The following RHOBTB1 variants were observed in gnomAD, a reference collection of about 807,000 sequenced individuals.
RHOBTB1 encodes the protein Rho related BTB domain containing 1.
A neutral mutation model predicts 71.6 loss-of-function variants in RHOBTB1; 40 were observed. The ratio of observed to expected loss-of-function variants is 0.56; its 90% CI spans 0.43 to 0.73. The LOEUF (loss-of-function observed/expected upper bound fraction) is 0.73, where lower values mean the gene tolerates loss of function less well. RHOBTB1 is among the 30% of genes least tolerant of loss of function. The pLI is 0.00. For missense variants in RHOBTB1, 797 were observed against 894.0 expected, an observed-to-expected ratio of 0.89 and a Z score of 1.38; for synonymous variants, 319 against 334.9, an observed-to-expected ratio of 0.95 and a Z score of 0.52.
intron 2 of RHOBTB1, among the ~76,000 whole-genome samples, chr10:60,920,946 TTTTTTTTTG>T (rs1399669018): frequency 1.8e-5 from 2 of 108,216 alleles, no homozygotes; most frequent in African/African-American, 6.9e-5. Context: ...ACTGATTTGT[TTTTTTTTTG>T]TTTTTTTTTT....
chr10:60,997,389 C>G (rs1215616352), intron 1 of RHOBTB1, among the ~76,000 whole-genome samples: 1 of 152,104 alleles, frequency 6.6e-6, no homozygotes, highest in African/African-American at 2.4e-5. Flanking sequence ...CATAATGGCT[C>G]CAAGCAATCT....
Position 60,911,378 on chromosome 10 carries a change from C to T in RHOBTB1, c.165G>A (p.Ala55=), listed in dbSNP as rs144720923. ...LLATHVPTVW[A]IDQYRVCQEV... ...CCTGGCACACGCGGTACTGGTCAAT[C>T]GCCCACACTGTTGGCACGTGGGTGG... The change falls in exon 3 of 11, where the codon GCG becomes GCA. Residue 55 remains alanine (A), a synonymous_variant. Transcript: ENST00000337910. 130 of 1,613,742 alleles carry T rather than the reference C, an allele frequency of 8.1e-5. No individual in the cohort carries two copies. Among genetic ancestry groups the T allele is most frequent in the African/African-American group, 7.2e-4 (54 of 74,936 alleles).
chr10:60,870,671 C>T lies in RHOBTB1; in HGVS notation c.*811G>A, dbSNP rs2080737531. The T allele has an allele frequency of 6.6e-6, 1 of 152,354 alleles. No individual in the cohort carries two copies. Among genetic ancestry groups the T allele is most frequent in the African/African-American group, 2.4e-5 (1 of 41,426 alleles). The allele number at this position is 152,354 out of a possible 1,614,324, so 9.4% of individuals were successfully genotyped here. ...TAATACAGCAATCCGAACACCAGCG[C>T]ACTAATGGTATCTTATGTATTCAGG... On this transcript the variant is annotated 3_prime_UTR_variant, in exon 11 of 11. Transcript: ENST00000337910.
In RHOBTB1 at chr10:60,910,934, C is replaced by T; in HGVS notation, c.249G>A (p.Trp83Ter). 1 of 1,614,030 alleles carries T rather than the reference C, an allele frequency of 6.2e-7. No individual in the cohort carries two copies. The highest frequency in any genetic ancestry group is 8.5e-7 in the Non-Finnish European group (1 of 1,180,002). The change falls in exon 4 of 11, where the codon TGG becomes TGA. Residue 83 changes from tryptophan (W) to a stop codon, truncating the protein, a stop_gained. Transcript: ENST00000337910. LOFTEE classifies it high-confidence loss of function. ...CTTTGTGATGATCACCAAAAGTATC[C>T]CAAAGCCTGAGAGAAACACTCACTT... ...VDEVSVSLRL[W>*]DTFGDHHKDR... is the part of the protein sequence containing the mutation.
intron 4 of RHOBTB1, among the ~76,000 whole-genome samples, 195 bp from the exon 5 acceptor site, chr10:60,893,190 G>A (rs975287691): frequency 3.3e-5 from 5 of 151,830 alleles, no homozygotes; most frequent in African/African-American, 9.7e-5. Context: ...CACCAACACA[G>A]CCTAACAGTT....
At chr10:60,927,199 C>T (rs78205528) in intron 2 of RHOBTB1, among the ~76,000 whole-genome samples, 210 of 152,192 alleles carry the variant, frequency 1.4e-3, no homozygotes, top group African/African-American at 4.9e-3. Flanking sequence ...AGCTATAAGA[C>T]ATTAAGGACA....
At chr10:60,988,300 A>T (rs981185380) in intron 1 of RHOBTB1, among the ~76,000 whole-genome samples, 1 of 152,136 alleles carries the variant, frequency 6.6e-6, no homozygotes, top group Non-Finnish European at 1.5e-5. Flanking sequence ...TTTATTTTTT[A>T]AAAAATATAA....
chr10:60,983,849 G>T (rs920634207), intron 2 of RHOBTB1, among the ~76,000 whole-genome samples: 2 of 152,160 alleles, frequency 1.3e-5, no homozygotes, highest in African/African-American at 4.8e-5. Flanking sequence ...CCTCCTTCTG[G>T]CCTGTCCCTC....
At chr10:60,932,315 G>A (rs2084302056) in intron 2 of RHOBTB1, among the ~76,000 whole-genome samples, 1 of 151,982 alleles carries the variant, frequency 6.6e-6, no homozygotes, top group Admixed American at 6.6e-5. Flanking sequence ...GACTTACCCT[G>A]GACATAAAAT....
At chr10:60,974,167 C>G (rs957864972) in intron 2 of RHOBTB1, among the ~76,000 whole-genome samples, 6 of 152,034 alleles carry the variant, frequency 3.9e-5, no homozygotes, top group African/African-American at 1.2e-4. Flanking sequence ...GTTGTCACCC[C>G]TCTTTCCAGC....
In RHOBTB1 at chr10:60,998,330, C is replaced by T. The variant is rs527419881; in HGVS notation, c.-163+3069G>A. On this transcript the variant is annotated intron_variant, in intron 1 of 11. Coordinates refer to the RHOBTB1 transcript ENST00000357917. ...ATACTTACAGACCAACAACTATGTG[C>T]TATTCATCACTGTGCTAGGCCCTGG... Among the ~76,000 whole-genome samples, 4 of 152,310 alleles carry T rather than the reference C, an allele frequency of 2.6e-5. No individual in the cohort carries two copies. In the South Asian group the frequency reaches 8.3e-4, roughly 32 times the overall value.
intron 2 of RHOBTB1, among the ~76,000 whole-genome samples, chr10:60,915,848 A>T (rs1184953461): frequency 6.6e-6 from 1 of 152,130 alleles, no homozygotes; most frequent in African/African-American, 2.4e-5. Context: ...GGCCTACAGG[A>T]TGGTGCAGCC....
At chr10:60,911,292 A>G in intron 3 of RHOBTB1, 59 bp downstream of exon 3, 1 of 1,484,824 alleles carries the variant, frequency 6.7e-7, no homozygotes. Context: ...AGAAAAAATC[A>G]GACTGGCAAC....
At chr10:60,889,937 C>A (rs1055405122) in intron 5 of RHOBTB1, among the ~76,000 whole-genome samples, 2 of 152,190 alleles carry the variant, frequency 1.3e-5, no homozygotes, top group Non-Finnish European at 2.9e-5. Context: ...CCTTTATCAA[C>A]AGCATCTCAT....
At chr10:60,911,098 T>A (rs1373421762) in intron 3 of RHOBTB1, 108 bp from the exon 4 acceptor site, 12 of 868,384 alleles carry the variant, frequency 1.4e-5, no homozygotes, top group Non-Finnish European at 2.2e-5. Flanking sequence ...TGCATTAAGT[T>A]TCCTTATTCT....
At chr10:60,963,044 C>A (rs574001720) in intron 2 of RHOBTB1, among the ~76,000 whole-genome samples, 1 of 152,232 alleles carries the variant, frequency 6.6e-6, no homozygotes, top group African/African-American at 2.4e-5. Context: ...GATGTGATGG[C>A]AGAATTCTTC....
chr10:60,891,292 G>C (rs1037488046), intron 5 of RHOBTB1, among the ~76,000 whole-genome samples: 1 of 149,058 alleles, frequency 6.7e-6, no homozygotes, highest in African/African-American at 2.5e-5. Flanking sequence ...AGCCTATTAG[G>C]TAAATGTCAA....
chr10:60,898,026 G>C (rs543231933), intron 4 of RHOBTB1, among the ~76,000 whole-genome samples: 5 of 152,054 alleles, frequency 3.3e-5, no homozygotes, highest in Non-Finnish European at 7.4e-5. Context: ...ATTTACCCAA[G>C]TTCTGCTTGA....
chr10:60,998,243 G>A (rs2087127577), intron 1 of RHOBTB1, among the ~76,000 whole-genome samples: 3 of 152,140 alleles, frequency 2.0e-5, no homozygotes, highest in Non-Finnish European at 4.4e-5. Flanking sequence ...CTTTCCCAAG[G>A]AAGGGACAAT....
Sources: allele counts gnomAD v4.1 joint callset (sites outside exome capture counted in the v4.1 genomes callset), GRCh38; gene constraint gnomAD v4.1.1; transcripts MANE v1.5; gene names NCBI Gene and HGNC (gene_info 2026-07-23, HGNC 2026-07-21).